AOAH: variants seen among roughly 807,000 people sequenced by gnomAD.
AOAH encodes the protein acyloxyacyl hydrolase (neutrophil).
AOAH carries 64 observed loss-of-function variants against 92.2 expected under a neutral mutation model. That is an observed-to-expected ratio of 0.69 (90% CI 0.57 to 0.86). AOAH has a LOEUF of 0.86. Ranked by LOEUF, AOAH falls within the 40% of genes least tolerant of loss-of-function variation. The pLI, the probability that AOAH is intolerant of heterozygous loss-of-function variation, is 0.00. For synonymous variants in AOAH, 263 were observed against 254.5 expected, an observed-to-expected ratio of 1.03 and a Z score of -0.32; for missense variants, 656 against 694.6, an observed-to-expected ratio of 0.94 and a Z score of 0.62.
intron 1 of AOAH, among the ~76,000 whole-genome samples, chr7:36,712,899 G>A (rs1016988569): frequency 3.3e-5 from 5 of 152,260 alleles, no homozygotes; most frequent in African/African-American, 7.2e-5. Flanking sequence ...AAAGAGCATC[G>A]AGGCTAGGAA....
rs376451697 is a variant in AOAH, at chr7:36,594,320, G to A, written c.938+19C>T. On this transcript the variant is annotated intron_variant, in intron 12 of 20. Coordinates refer to ENST00000617537, the MANE Select transcript of AOAH (RefSeq NM_001637.4). ...ACACAGAGGTATTGAAATGTCTGAG[G>A]GTGCACAAAGACACTTACCCAACAG... The A allele has an allele frequency of 2.5e-6, 4 of 1,583,914 alleles. No individual in the cohort carries two copies. The highest frequency in any genetic ancestry group is 3.3e-5 in the Admixed American group (2 of 59,968).
chr7:36,547,141 G>T (rs1480054614), intron 15 of AOAH, among the ~76,000 whole-genome samples: 1 of 152,210 alleles, frequency 6.6e-6, no homozygotes, highest in Non-Finnish European at 1.5e-5. Context: ...GAATGACATA[G>T]AGTGATGTAC....
At chr7:36,618,227 C>A in intron 10 of AOAH, 70 bp downstream of exon 10, 1 of 1,404,808 alleles carries the variant, frequency 7.1e-7, no homozygotes, top group South Asian at 1.2e-5. Context: ...GTGGTCTGCT[C>A]ACTTCAATTT....
chr7:36,704,105 A>G (rs1486596925), intron 1 of AOAH, among the ~76,000 whole-genome samples: 2 of 152,094 alleles, frequency 1.3e-5, no homozygotes, highest in African/African-American at 4.8e-5. Context: ...ATGACCAGTG[A>G]TGATGAGGTT....
In AOAH at chr7:36,659,948, C is replaced by T. The variant is rs541635304; in HGVS notation, c.291-683G>A. 3.5e-4 allele frequency among the ~76,000 whole-genome samples: 53 copies of T among 152,184 alleles called. No homozygotes were observed. The East Asian group carries it at 9.7e-3, about 28-fold the overall frequency. On this transcript the variant is annotated intron_variant, in intron 3 of 20. Coordinates refer to ENST00000617537, the MANE Select transcript of AOAH (RefSeq NM_001637.4). Reference sequence around the variant, plus strand: ...TCCCTGCCTTAACTGAGTAAAATTACAATATTTTACTATCGTGACTTGTCC... The same window carrying T: ...TCCCTGCCTTAACTGAGTAAAATTATAATATTTTACTATCGTGACTTGTCC...
chr7:36,640,175 G>T (rs1227870928), intron 4 of AOAH, among the ~76,000 whole-genome samples: 3 of 151,970 alleles, frequency 2.0e-5, no homozygotes, highest in Non-Finnish European at 4.4e-5. Context: ...TGCCAAGGAG[G>T]GGGAGTCGAA....
chr7:36,709,782 TTA>T (rs1798646156), intron 1 of AOAH, among the ~76,000 whole-genome samples: 1 of 152,128 alleles, frequency 6.6e-6, no homozygotes, highest in Non-Finnish European at 1.5e-5. Context: ...ATTGGAGTGA[TTA>T]TGTTTTCTTT....
At chr7:36,686,856 G>A (rs1797054288) in intron 1 of AOAH, 62 bp from the exon 2 acceptor site, 3 of 1,117,280 alleles carry the variant, frequency 2.7e-6, no homozygotes, top group African/African-American at 2.0e-5. Context: ...GGAGGGACAG[G>A]AGAAAGAAAG....
intron 19 of AOAH, among the ~76,000 whole-genome samples, chr7:36,523,389 G>A (rs1033862793): frequency 2.6e-5 from 4 of 152,322 alleles, no homozygotes; most frequent in East Asian, 1.9e-4. Context: ...AAGTTGTGGC[G>A]TGCTGGTAAA....
intron 20 of AOAH, among the ~76,000 whole-genome samples, chr7:36,517,156 GTCTTTCTTTCTTTCTT>G (rs1554360832): frequency 1.0e-5 from 1 of 95,432 alleles, no homozygotes; most frequent in African/African-American, 4.1e-5. Flanking sequence ...ATCCATGTTA[GTCTTTCTTTCTTTCTT>G]TCTTTCTTTC....
intron 4 of AOAH, among the ~76,000 whole-genome samples, chr7:36,651,269 T>C (rs1794561870): frequency 6.6e-6 from 1 of 152,242 alleles, no homozygotes; most frequent in Admixed American, 6.5e-5. Flanking sequence ...ACTTAATTTA[T>C]TCTACATAAA....
At chr7:36,530,807 T>C in intron 18 of AOAH, 1 of 269,190 alleles carries the variant, frequency 3.7e-6, no homozygotes, top group Non-Finnish European at 7.1e-6. Flanking sequence ...AATGTTGTCA[T>C]GGGTAGGTGA....
intron 12 of AOAH, among the ~76,000 whole-genome samples, chr7:36,593,347 A>T (rs1008163319): frequency 6.6e-6 from 1 of 152,248 alleles, no homozygotes; most frequent in Non-Finnish European, 1.5e-5. Flanking sequence ...TTCTTTGTTC[A>T]TCAGAATAAT....
intron 1 of AOAH, among the ~76,000 whole-genome samples, chr7:36,700,325 C>A (rs748938917): frequency 2.0e-5 from 3 of 151,982 alleles, no homozygotes; most frequent in Non-Finnish European, 2.9e-5. Context: ...TTCCTCACTC[C>A]TTTCCCTTCC....
At chr7:36,594,819 C>T (rs1217450403) in intron 11 of AOAH, among the ~76,000 whole-genome samples, 1 of 151,928 alleles carries the variant, frequency 6.6e-6, no homozygotes, top group African/African-American at 2.4e-5. Flanking sequence ...ATGCCTAATC[C>T]CTCAGAAAAA....
intron 20 of AOAH, 119 bp from the exon 21 acceptor site, chr7:36,513,499 C>A: frequency 2.1e-6 from 2 of 946,734 alleles, no homozygotes; most frequent in Non-Finnish European, 3.2e-6. Flanking sequence ...TGACTCCCAC[C>A]CCCATGTCTC....
chr7:36,708,166 C>T (rs1043083209), intron 1 of AOAH, among the ~76,000 whole-genome samples: 2 of 152,088 alleles, frequency 1.3e-5, no homozygotes, highest in Non-Finnish European at 2.9e-5. Flanking sequence ...CCGGAACTCC[C>T]GTTTTATAAA....
At chr7:36,700,225 A>G (rs1322585450) in intron 1 of AOAH, among the ~76,000 whole-genome samples, 3 of 152,096 alleles carry the variant, frequency 2.0e-5, no homozygotes, top group African/African-American at 7.2e-5. Flanking sequence ...CAGTTTTATT[A>G]CATGGATATA....
intron 1 of AOAH, among the ~76,000 whole-genome samples, chr7:36,699,473 C>T (rs1454886774): frequency 6.6e-6 from 1 of 151,974 alleles, no homozygotes. Context: ...TCCTCCCTGT[C>T]TTTTTAACTG....
Sources: allele counts gnomAD v4.1 joint callset (sites outside exome capture counted in the v4.1 genomes callset), GRCh38; gene constraint gnomAD v4.1.1; transcripts MANE v1.5; gene names NCBI Gene and HGNC (gene_info 2026-07-23, HGNC 2026-07-21).